The following TRPM3 variants were observed in gnomAD, a reference collection of about 807,000 sequenced individuals.
The protein encoded by TRPM3 is transient receptor potential cation channel subfamily M member 3.
In TRPM3, 77 loss-of-function variants were observed where a neutral mutation model predicts 181.2. The ratio of observed to expected loss-of-function variants is 0.42; its 90% CI spans 0.35 to 0.51. The LOEUF is 0.51. Among genes scored for constraint, TRPM3 ranks in the 20% least tolerant of loss-of-function variants. The probability of loss-of-function intolerance (pLI) is 0.01; values close to 1 mark genes in which losing one functional copy is unlikely to be tolerated. For synonymous variants in TRPM3, 745 were observed against 796.4 expected, an observed-to-expected ratio of 0.94 and a Z score of 1.09; for missense variants, 1,759 against 2,196.7, an observed-to-expected ratio of 0.80 and a Z score of 3.98.
At chr9:70,661,090 T>A (rs144750304) in intron 9 of TRPM3, among the ~76,000 whole-genome samples, 1 of 152,042 alleles carries the variant, frequency 6.6e-6, no homozygotes. Flanking sequence ...TGCATCATGA[T>A]CAAGTGGTTT....
At chr9:70,805,677 C>T (rs2090530279) in intron 6 of TRPM3, among the ~76,000 whole-genome samples, 1 of 150,682 alleles carries the variant, frequency 6.6e-6, no homozygotes, top group Non-Finnish European at 1.5e-5. Flanking sequence ...AACAATAATT[C>T]ATACACCCTA....
At chr9:70,874,886 A>G (rs74845532) in intron 1 of TRPM3, among the ~76,000 whole-genome samples, 1 of 151,664 alleles carries the variant, frequency 6.6e-6, no homozygotes, top group Non-Finnish European at 1.5e-5. Context: ...CTCTCTGTCT[A>G]TATGTATGTA....
chr9:71,157,438 A>T (rs1030466257), intron 1 of TRPM3, among the ~76,000 whole-genome samples: 6 of 152,128 alleles, frequency 3.9e-5, no homozygotes, highest in Admixed American at 6.6e-5. Flanking sequence ...TATTTTATTA[A>T]TCCTAAAGTC....
rs200789716 is a variant in TRPM3 at position 70,646,875 on chromosome 9, CA to C, written c.1346-6216del. Among the ~76,000 whole-genome samples, 436 of 85,342 alleles carry C rather than the reference CA, an allele frequency of 5.1e-3. 3 individuals carry two copies. The highest frequency in any genetic ancestry group is 0.014 in the Admixed American group (109 of 8,020). The allele number at this position is 85,342 out of a possible 152,430, so 56.0% of individuals were successfully genotyped here. A position where few individuals can be genotyped will look rare whatever the true frequency, so the allele number is the denominator to read the frequency against. On this transcript the variant is annotated intron_variant, in intron 9 of 25. Coordinates refer to ENST00000677713, the MANE Select transcript of TRPM3 (RefSeq NM_001366145.2). ...CATTACCACTGACCCCATGGAAGTA[CA>C]AAAAAAAAAAAAAAACCCTCAGAGT...
rs1219653846 is a variant in TRPM3 at position 70,533,025 on chromosome 9, G to C, written c.*2928C>G. On this transcript the variant is annotated 3_prime_UTR_variant, in exon 26 of 26. Transcript: ENST00000677713. ...ACAGTTTGTGTCTACAGTCATTTAA[G>C]TTTGGCTTATATATTTCACACGTTT... is the stretch of plus-strand genomic sequence containing the variant. The C allele has an allele frequency of 1.3e-5, 2 of 152,216 alleles. No individual in the cohort carries two copies. Among genetic ancestry groups the C allele is most frequent in the Admixed American group, 6.5e-5 (1 of 15,282 alleles). 9.4% of individuals were successfully genotyped at this position (152,216 alleles called of 1,614,324 possible). A position where few individuals can be genotyped will look rare whatever the true frequency, so the allele number is the denominator to read the frequency against.
intron 3 of TRPM3, among the ~76,000 whole-genome samples, chr9:70,857,196 C>A (rs1351435618): frequency 1.3e-5 from 2 of 152,052 alleles, no homozygotes; most frequent in African/African-American, 4.8e-5. Flanking sequence ...TCTGGTTGTT[C>A]GGGAATAGCT....
At chr9:70,780,256 TTTAAA>T (rs1317516904) in intron 7 of TRPM3, among the ~76,000 whole-genome samples, 28 of 152,190 alleles carry the variant, frequency 1.8e-4, no homozygotes, top group Non-Finnish European at 4.4e-5. Context: ...TTTAAGAATC[TTTAAA>T]TTAACTTAAA....
At position 70,536,316 on chromosome 9, in the gene TRPM3, T is replaced by C. The variant is rs1171877252; in HGVS notation, c.4797A>G (p.Glu1599=). Residue 1599 remains glutamate, a synonymous_variant, in exon 26 of 26, where the codon GAA becomes GAG. Coordinates refer to ENST00000677713, the MANE Select transcript of TRPM3 (RefSeq NM_001366145.2). The stretch of plus-strand genomic sequence containing the variant: ...CAGAGCTGGGGTGACTCAGTTCTGC[T>C]TCTCGCTCTGGATGGCAGCAAGTTA... ...EDLTCCHPER[E]AELSHPSSDS... The C allele has an allele frequency of 6.2e-7, 1 of 1,614,096 alleles. No homozygotes were observed. The highest frequency in any genetic ancestry group is 8.5e-7 in the Non-Finnish European group (1 of 1,180,044).
intron 24 of TRPM3, among the ~76,000 whole-genome samples, chr9:70,550,328 G>A (rs1022314948): frequency 6.6e-6 from 1 of 152,198 alleles, no homozygotes; most frequent in African/African-American, 2.4e-5. Flanking sequence ...TGTGATGACT[G>A]GAGGTGAGGC....
intron 1 of TRPM3, among the ~76,000 whole-genome samples, chr9:70,940,291 C>A (rs2096872839): frequency 6.6e-6 from 1 of 152,194 alleles, no homozygotes; most frequent in Non-Finnish European, 1.5e-5. Context: ...AATTCACTAA[C>A]CTACAAAGTC....
At chr9:71,344,034 T>A (rs1394641161) in intron 1 of TRPM3, among the ~76,000 whole-genome samples, 1 of 151,862 alleles carries the variant, frequency 6.6e-6, no homozygotes, top group Non-Finnish European at 1.5e-5. Context: ...TTAGATTAGA[T>A]TAGATTAGAT....
intron 1 of TRPM3, among the ~76,000 whole-genome samples, chr9:71,157,297 TAA>T (rs1014772872): frequency 1.3e-5 from 2 of 152,168 alleles, no homozygotes; most frequent in African/African-American, 4.8e-5. Context: ...CTCACAACTT[TAA>T]AAAAGTCAGA....
chr9:70,539,473 ATTTTTTTT>A (rs57538597), intron 25 of TRPM3, among the ~76,000 whole-genome samples: 1 of 137,560 alleles, frequency 7.3e-6, no homozygotes, highest in African/African-American at 2.7e-5. Context: ...CCTGCTTGTA[ATTTTTTTT>A]TTTTTTTTGC....
intron 5 of TRPM3, among the ~76,000 whole-genome samples, chr9:70,833,584 G>T (rs767207020): frequency 5.3e-5 from 8 of 152,062 alleles, no homozygotes; most frequent in Admixed American, 4.6e-4. Context: ...GAGGTATCTT[G>T]GTCAAATTTG....
chr9:70,547,190 A>G (rs1393351226), intron 25 of TRPM3, among the ~76,000 whole-genome samples: 10 of 152,074 alleles, frequency 6.6e-5, no homozygotes, highest in Non-Finnish European at 1.3e-4. Flanking sequence ...GGGGTTATCT[A>G]ATATGAATGT....
intron 22 of TRPM3, among the ~76,000 whole-genome samples, chr9:70,571,709 T>C (rs1357054901): frequency 6.6e-6 from 1 of 152,070 alleles, no homozygotes; most frequent in Non-Finnish European, 1.5e-5. Context: ...TTAAATTAGT[T>C]AGTATTATTC....
chr9:71,162,226 A>G (rs950263048), intron 1 of TRPM3, among the ~76,000 whole-genome samples: 2 of 150,792 alleles, frequency 1.3e-5, no homozygotes, highest in African/African-American at 4.8e-5. Context: ...AAAAAGAAGA[A>G]AAAGAAAAAG....
intron 1 of TRPM3, among the ~76,000 whole-genome samples, chr9:71,130,950 G>A (rs1029410683): frequency 3.3e-5 from 5 of 152,110 alleles, no homozygotes; most frequent in Non-Finnish European, 4.4e-5. Context: ...TAAACCTGTT[G>A]GCTACAGATC....
chr9:71,216,840 CTT>C (rs1171950388), intron 1 of TRPM3, among the ~76,000 whole-genome samples: 1 of 150,908 alleles, frequency 6.6e-6, no homozygotes, highest in Non-Finnish European at 1.5e-5. Context: ...ACAGCAAATA[CTT>C]TCACATTACC....
Sources: allele counts gnomAD v4.1 joint callset (sites outside exome capture counted in the v4.1 genomes callset), GRCh38; gene constraint gnomAD v4.1.1; transcripts MANE v1.5; gene names NCBI Gene and HGNC (gene_info 2026-07-23, HGNC 2026-07-21).